The following PRPF18 variants were observed in gnomAD, a reference collection of about 807,000 sequenced individuals.
PRPF18 encodes pre-mRNA-splicing factor 18.
PRPF18 carries 38 observed loss-of-function variants against 46.5 expected under a neutral mutation model. The ratio of observed to expected loss-of-function variants is 0.82; its 90% CI spans 0.63 to 1.07. The LOEUF is 1.07. Ranked by LOEUF, PRPF18 falls within the 50% of genes least tolerant of loss-of-function variation. The probability of loss-of-function intolerance (pLI) is 0.00; values close to 1 mark genes in which losing one functional copy is unlikely to be tolerated. For missense variants in PRPF18, 263 were observed against 410.0 expected, an observed-to-expected ratio of 0.64 and a Z score of 3.10; for synonymous variants, 152 against 146.7, an observed-to-expected ratio of 1.04 and a Z score of -0.26.
At chr10:13,590,262 T>A (rs897946065) in intron 1 of PRPF18, among the ~76,000 whole-genome samples, 6 of 151,544 alleles carry the variant, frequency 4.0e-5, no homozygotes, top group African/African-American at 7.3e-5. Flanking sequence ...ATTTTTTCAA[T>A]CACAGAGCAG....
intron 9 of PRPF18, among the ~76,000 whole-genome samples, chr10:13,624,470 AAAG>A (rs899620355): frequency 1.3e-5 from 2 of 152,204 alleles, no homozygotes; most frequent in Non-Finnish European, 2.9e-5. Context: ...AGAAGGCTGA[AAAG>A]AAGGAGTGGT....
chr10:13,634,523 C>T (rs757619183), downstream of PRPF18, among the ~76,000 whole-genome samples: 2 of 152,214 alleles, frequency 1.3e-5, no homozygotes, highest in Non-Finnish European at 2.9e-5. Flanking sequence ...ATTGCCTTTG[C>T]GGTCAACTGC....
intron 1 of PRPF18, among the ~76,000 whole-genome samples, chr10:13,595,908 C>T (rs962201608): frequency 6.6e-6 from 1 of 152,184 alleles, no homozygotes; most frequent in Admixed American, 6.5e-5. Context: ...CTGAAACATG[C>T]AGCTCTAGAA....
intron 1 of PRPF18, among the ~76,000 whole-genome samples, chr10:13,589,351 A>G (rs1157578115): frequency 6.6e-6 from 1 of 152,228 alleles, no homozygotes; most frequent in Non-Finnish European, 1.5e-5. Flanking sequence ...CCTCCACACA[A>G]CCAGCAAACT....
At chr10:13,654,455 G>C in the PRPF18 span, 1 of 1,613,786 alleles carries the variant, frequency 6.2e-7, no homozygotes, top group South Asian at 1.1e-5. Context: ...GCTGCTTGGG[G>C]GGGTGGCTCC....
intron 1 of PRPF18, among the ~76,000 whole-genome samples, chr10:13,590,511 C>T (rs1218546783): frequency 6.7e-6 from 1 of 149,846 alleles, no homozygotes; most frequent in Non-Finnish European, 1.5e-5. Context: ...GTCCCAGCTA[C>T]TCAGGAGGCT....
intron 9 of PRPF18, among the ~76,000 whole-genome samples, chr10:13,623,910 G>A (rs1167999133): frequency 6.6e-6 from 1 of 152,066 alleles, no homozygotes; most frequent in Non-Finnish European, 1.5e-5. Flanking sequence ...CTTCCATTTA[G>A]ACTTAAAAAT....
At chr10:13,645,929 TGAGA>T in the PRPF18 span, 1 of 152,630 alleles carries the variant, frequency 6.6e-6, no homozygotes, top group Non-Finnish European at 1.5e-5. Context: ...GTTGGTTTAA[TGAGA>T]GAGAACCACT....
At chr10:13,654,107 C>CAAAA in the PRPF18 span, 46 of 516,946 alleles carry the variant, frequency 8.9e-5, 1 homozygote, top group South Asian at 1.4e-3. Context: ...TAATCCAAAC[C>CAAAA]GAAATGAAAT....
At chr10:13,603,551 T>G (rs774858115) in intron 3 of PRPF18, among the ~76,000 whole-genome samples, 2 of 152,200 alleles carry the variant, frequency 1.3e-5, no homozygotes, top group Non-Finnish European at 2.9e-5. Flanking sequence ...CAGTAATAAC[T>G]AGCTCACATT....
At chr10:13,597,992 A>G (rs1318454840) in intron 2 of PRPF18, among the ~76,000 whole-genome samples, 2 of 152,104 alleles carry the variant, frequency 1.3e-5, no homozygotes, top group Non-Finnish European at 2.9e-5. Context: ...CATCGATTTT[A>G]TGTTTGCATT....
intron 4 of PRPF18, 26 bp from the exon 5 acceptor site, chr10:13,610,013 G>T: frequency 6.4e-7 from 1 of 1,571,394 alleles, no homozygotes; most frequent in Non-Finnish European, 8.7e-7. Flanking sequence ...CATAACAGGT[G>T]TTCTTCCTTT....
At chr10:13,643,559 G>C in the PRPF18 span, 1 of 152,528 alleles carries the variant, frequency 6.6e-6, no homozygotes. Flanking sequence ...GTATCATCTA[G>C]CAAGCTCATA....
intron 4 of PRPF18, among the ~76,000 whole-genome samples, chr10:13,608,293 C>G (rs1165568815): frequency 6.6e-6 from 1 of 152,212 alleles, no homozygotes; most frequent in Non-Finnish European, 1.5e-5. Context: ...TGCCTCTGGA[C>G]TGGTCTTCTA....
chr10:13,655,840 G>C, the PRPF18 span: 2 of 152,180 alleles, frequency 1.3e-5, no homozygotes, highest in East Asian at 3.8e-4. Context: ...AGTGGTAAGA[G>C]TATGTTAATA....
chr10:13,596,096 T>G (rs542931947), intron 1 of PRPF18, among the ~76,000 whole-genome samples: 8 of 152,344 alleles, frequency 5.3e-5, no homozygotes, highest in South Asian at 4.1e-4. Flanking sequence ...GTTCAATCCT[T>G]GCATTTGCTT....
chr10:13,629,680 T>C (rs2080564911), intron 9 of PRPF18, among the ~76,000 whole-genome samples: 1 of 152,270 alleles, frequency 6.6e-6, no homozygotes, highest in African/African-American at 2.4e-5. Context: ...CACTTGCTTT[T>C]TACTTTCGAC....
At chr10:13,615,186 C>T (rs1192037580) in intron 8 of PRPF18, among the ~76,000 whole-genome samples, 1 of 152,188 alleles carries the variant, frequency 6.6e-6, no homozygotes, top group Non-Finnish European at 1.5e-5. Flanking sequence ...GATAAGGTCA[C>T]CATCACTGCA....
the PRPF18 span, chr10:13,652,358 C>T: frequency 1.5e-3 from 339 of 223,690 alleles, 2 homozygotes; most frequent in Admixed American, 0.012. Context: ...TTGTACATTT[C>T]GGAGCCTGTT....
Sources: allele counts gnomAD v4.1 joint callset (sites outside exome capture counted in the v4.1 genomes callset), GRCh38; gene constraint gnomAD v4.1.1; transcripts MANE v1.5; gene names NCBI Gene and HGNC (gene_info 2026-07-23, HGNC 2026-07-21).